LRRC53: variants seen among roughly 807,000 people sequenced by gnomAD.
The protein encoded by LRRC53 is leucine-rich repeat-containing protein 53.
Under a neutral mutation model 13.6 loss-of-function variants are expected in LRRC53, and 25 were observed. The observed-to-expected ratio is 1.83, with a 90% CI of 1.34 to 2.56. The LOEUF (loss-of-function observed/expected upper bound fraction) is 2.56. Among genes scored for constraint, LRRC53 ranks in the 30% most tolerant of loss-of-function variants. LRRC53 has a pLI of 0.00. For missense variants in LRRC53, 527 were observed against 275.8 expected (o/e 1.91, Z -6.45); for synonymous variants, 204 against 109.8 (o/e 1.86, Z -5.37).
Position 74,512,569 on chromosome 1 carries a change from A to T in LRRC53, c.-70T>A, listed in dbSNP as rs1670283723. The T allele has an allele frequency of 6.6e-6, 1 of 152,212 alleles. No individual in the cohort carries two copies. The highest frequency in any genetic ancestry group is 2.4e-5 in the African/African-American group (1 of 41,456). 9.4% of individuals were successfully genotyped at this position (152,212 alleles called of 1,614,324 possible). A position where few individuals can be genotyped will look rare whatever the true frequency, so the allele number is the denominator to read the frequency against. On this transcript the variant is annotated 5_prime_UTR_variant, in exon 1 of 5. Transcript: ENST00000294635. ...GTAGTTTGTGAATCTCTACATTAAA[A>T]GGTGGATGATGAATCTGAGACCTAC...
rs1447110395 is a variant in LRRC53, at chr1:74,480,391, G to A, written c.666C>T (p.Leu222=). The A allele has an allele frequency of 1.4e-6, 1 of 717,586 alleles. No homozygotes were observed. Among genetic ancestry groups the A allele is most frequent in the Non-Finnish European group, 2.6e-6 (1 of 385,122 alleles). 44.5% of individuals were successfully genotyped at this position (717,586 alleles called of 1,614,324 possible). A position where few individuals can be genotyped will look rare whatever the true frequency, so the allele number is the denominator to read the frequency against. The stretch of plus-strand genomic sequence containing the variant: ...TTCTTAAAAACCGAGCAAGGGGATG[G>A]AGATCACAAGTGCAGCTCCACTGGT... The part of the protein sequence containing the change: ...DKNQWSCTCD[L]HPLARFLRNY... The change falls in exon 3 of 5, where the codon CTC becomes CTT. Residue 222 remains leucine, a synonymous_variant. Coordinates refer to ENST00000294635, the MANE Select transcript of LRRC53 (RefSeq NM_001382280.1).
intron 3 of LRRC53, among the ~76,000 whole-genome samples, chr1:74,479,110 T>C (rs992649679): frequency 3.9e-5 from 6 of 152,196 alleles, no homozygotes; most frequent in Non-Finnish European, 8.8e-5. Context: ...ATATTTAAAA[T>C]ACGTCAGTCT....
In LRRC53 at chr1:74,471,451, A is replaced by G. The variant is rs1667928689; in HGVS notation, c.2171T>C (p.Phe724Ser). ...GQNLKLNLHP[F>S]RKVRVHPEKS... ...TTCTGGATGGACTCTGACTTTTCTAAAAGGATGTAAATTTAATTTTAAGTT... is the reference window on the plus strand; with the variant it reads ...TTCTGGATGGACTCTGACTTTTCTAGAAGGATGTAAATTTAATTTTAAGTT... Residue 724 changes from phenylalanine (F) to serine (S), a missense_variant, in exon 5 of 5, where the codon TTT becomes TCT. Physicochemically the swap from Phe to Ser is radical, Grantham distance 155. Coordinates refer to ENST00000294635, the MANE Select transcript of LRRC53 (RefSeq NM_001382280.1). 1 of 400,670 alleles carries G rather than the reference A, an allele frequency of 2.5e-6. No individual in the cohort carries two copies. The highest frequency in any genetic ancestry group is 4.4e-6 in the Non-Finnish European group (1 of 226,146). The allele number at this position is 400,670 out of a possible 1,614,324, so 24.8% of individuals were successfully genotyped here. A position where few individuals can be genotyped will look rare whatever the true frequency, so the allele number is the denominator to read the frequency against.
chr1:74,493,336 T>G (rs1669168990), intron 1 of LRRC53, among the ~76,000 whole-genome samples: 1 of 152,200 alleles, frequency 6.6e-6, no homozygotes, highest in Admixed American at 6.5e-5. Context: ...TTGCTAGTTT[T>G]AAAATGGTTA....
the LRRC53 span, among the ~76,000 whole-genome samples, chr1:74,523,356 T>G: frequency 8.3e-4 from 126 of 152,368 alleles, no homozygotes; most frequent in African/African-American, 3.0e-3. Context: ...TGTTTTTCTA[T>G]ACACATATCT....
At chr1:74,499,282 C>T (rs1213208378) in intron 1 of LRRC53, among the ~76,000 whole-genome samples, 1 of 152,176 alleles carries the variant, frequency 6.6e-6, no homozygotes, top group Non-Finnish European at 1.5e-5. Context: ...GCTGGGACTA[C>T]AGGCATGCGC....
At chr1:74,510,375 C>G (rs1217386705) in intron 1 of LRRC53, among the ~76,000 whole-genome samples, 4 of 152,006 alleles carry the variant, frequency 2.6e-5, no homozygotes, top group Non-Finnish European at 5.9e-5. Context: ...GGGCATGGTG[C>G]CTGGCGCCTG....
At chr1:74,497,024 T>A (rs1264169944) in intron 1 of LRRC53, among the ~76,000 whole-genome samples, 1 of 152,186 alleles carries the variant, frequency 6.6e-6, no homozygotes, top group Non-Finnish European at 1.5e-5. Context: ...CAGATACATT[T>A]GGGATTAATT....
intron 1 of LRRC53, among the ~76,000 whole-genome samples, chr1:74,502,918 G>C (rs1385858187): frequency 6.6e-6 from 1 of 152,136 alleles, no homozygotes; most frequent in Non-Finnish European, 1.5e-5. Context: ...TAAAAGTAGC[G>C]ACAACCAATC....
At chr1:74,517,155 A>G (rs1367766011), upstream of LRRC53, among the ~76,000 whole-genome samples, 1 of 152,154 alleles carries the variant, frequency 6.6e-6, no homozygotes, top group Non-Finnish European at 1.5e-5. Flanking sequence ...ACCTGTGGGC[A>G]CTTTCTATAT....
intron 1 of LRRC53, among the ~76,000 whole-genome samples, chr1:74,486,561 T>C (rs544219914): frequency 6.8e-6 from 1 of 148,020 alleles, no homozygotes; most frequent in South Asian, 2.1e-4. Flanking sequence ...TTTACTGAAA[T>C]GGGAAAGGCT....
intron 1 of LRRC53, among the ~76,000 whole-genome samples, chr1:74,506,932 T>C (rs946387754): frequency 6.6e-6 from 1 of 152,220 alleles, no homozygotes; most frequent in Non-Finnish European, 1.5e-5. Context: ...CTACTTGGTA[T>C]CATGTCTCTG....
At chr1:74,523,432 A>G in the LRRC53 span, among the ~76,000 whole-genome samples, 6 of 135,752 alleles carry the variant, frequency 4.4e-5, no homozygotes, top group Non-Finnish European at 1.0e-4. Context: ...GCTGATGTAT[A>G]AGATTTTTCT....
chr1:74,475,888 A>G, intron 3 of LRRC53, 78 bp from the exon 4 acceptor site: 1 of 531,592 alleles, frequency 1.9e-6, no homozygotes, highest in South Asian at 3.8e-5. Flanking sequence ...AAAACCACAA[A>G]TATAAAGGTT....
the LRRC53 span, among the ~76,000 whole-genome samples, chr1:74,533,720 T>C: frequency 2.6e-4 from 40 of 151,886 alleles, no homozygotes; most frequent in African/African-American, 5.3e-4. Flanking sequence ...CACCATGGAA[T>C]ACTATGCAGC....
chr1:74,485,507 TG>T (rs1480321728), intron 1 of LRRC53, among the ~76,000 whole-genome samples: 1 of 152,182 alleles, frequency 6.6e-6, no homozygotes, highest in East Asian at 1.9e-4. Context: ...GATTCTAACA[TG>T]ACCTGCAAGA....
the LRRC53 span, among the ~76,000 whole-genome samples, chr1:74,530,539 A>G: frequency 6.6e-6 from 1 of 152,170 alleles, no homozygotes; most frequent in East Asian, 1.9e-4. Flanking sequence ...AAAATCATCA[A>G]ATAGAACTAG....
rs1667946386 is a variant in LRRC53 at position 74,471,817 on chromosome 1, T to C, written c.1805A>G (p.Glu602Gly). ...NRRQHSKPEK[E>G]QIQINSAIEK... The stretch of plus-strand genomic sequence containing the variant: ...TATTGCACTGTTAATTTGGATTTGC[T>C]CTTTCTCAGGCTTTGAGTGTTGTCT... The change falls in exon 5 of 5, where the codon GAG becomes GGG. Residue 602 changes from glutamate to glycine, a missense_variant. By Grantham distance (98) the Glu-to-Gly change is moderately conservative. Transcript: ENST00000294635. 9.3e-6 allele frequency: 4 copies of C among 431,968 alleles called. No individual in the cohort carries two copies. Among genetic ancestry groups the C allele is most frequent in the Non-Finnish European group, 8.2e-6 (2 of 245,058 alleles). 26.8% of individuals were successfully genotyped at this position (431,968 alleles called of 1,614,324 possible).
At chr1:74,524,362 C>A in the LRRC53 span, among the ~76,000 whole-genome samples, 1 of 152,184 alleles carries the variant, frequency 6.6e-6, no homozygotes. Flanking sequence ...TAGCAAAGTG[C>A]AAGTCTTCTG....
Sources: gnomAD v4.1 joint callset for allele counts (sites outside exome capture counted in the v4.1 genomes callset) on GRCh38, gnomAD v4.1.1 for gene constraint, MANE v1.5 for transcripts, NCBI Gene and HGNC (gene_info 2026-07-23, HGNC 2026-07-21) for gene names.